The following CSMD1 variants were observed in gnomAD, a reference collection of about 807,000 sequenced individuals.
The protein encoded by CSMD1 is CUB and Sushi multiple domains 1, also known as CUB and sushi domain-containing protein 1.
Under a neutral mutation model 417.5 loss-of-function variants are expected in CSMD1, and 213 were observed. That is an observed-to-expected ratio of 0.51 (90% CI 0.46 to 0.57). The LOEUF (loss-of-function observed/expected upper bound fraction) is 0.57. Ranked by LOEUF, CSMD1 falls within the 20% of genes least tolerant of loss-of-function variation. CSMD1 has a pLI of 0.00. For missense variants in CSMD1, 6,923 were observed against 4,529.7 expected, an observed-to-expected ratio of 1.53 and a Z score of -15.17; for synonymous variants, 2,862 against 1,736.8, an observed-to-expected ratio of 1.65 and a Z score of -16.11.
chr8:3,466,275 C>A (rs1816786947), intron 12 of CSMD1, among the ~76,000 whole-genome samples: 1 of 151,764 alleles, frequency 6.6e-6, no homozygotes, highest in African/African-American at 2.4e-5. Context: ...AGTTACTGGG[C>A]AGCAGAACCA....
At chr8:3,102,579 T>C (rs1469272475) in intron 46 of CSMD1, among the ~76,000 whole-genome samples, 1 of 152,180 alleles carries the variant, frequency 6.6e-6, no homozygotes, top group Non-Finnish European at 1.5e-5. Context: ...GGGGACAGGC[T>C]GGGAGAAATG....
chr8:4,624,323 G>C (rs1014589513), intron 2 of CSMD1, among the ~76,000 whole-genome samples: 1 of 152,032 alleles, frequency 6.6e-6, no homozygotes, highest in East Asian at 1.9e-4. Flanking sequence ...AGAATTCTTC[G>C]AGCTCTTGTC....
intron 2 of CSMD1, among the ~76,000 whole-genome samples, chr8:4,565,749 CATATATATAT>C (rs58696547): frequency 0.023 from 2,766 of 118,046 alleles, 32 homozygotes; most frequent in Admixed American, 0.033. Context: ...AAAATATATA[CATATATATAT>C]ATATATATAT....
At chr8:3,745,830 T>C (rs1379408648) in intron 6 of CSMD1, among the ~76,000 whole-genome samples, 5 of 152,234 alleles carry the variant, frequency 3.3e-5, no homozygotes, top group African/African-American at 1.2e-4. Flanking sequence ...CTGGTTTCCC[T>C]ACAGCTGTGA....
intron 3 of CSMD1, among the ~76,000 whole-genome samples, chr8:4,212,748 A>ATTTTTTTTTTTTTT (rs1233118651): frequency 1.1e-4 from 11 of 101,884 alleles, no homozygotes; most frequent in African/African-American, 4.7e-4. Context: ...CAGCGGCCTT[A>ATTTTTTTTTTTTTT]TTCTTTTTTT....
intron 17 of CSMD1, among the ~76,000 whole-genome samples, chr8:3,389,782 T>C (rs888035660): frequency 3.3e-5 from 5 of 152,346 alleles, no homozygotes; most frequent in Admixed American, 6.5e-5. Flanking sequence ...TGTTGAATTA[T>C]TTACATTTCA....
intron 3 of CSMD1, among the ~76,000 whole-genome samples, chr8:4,379,453 T>C (rs1584984248): frequency 6.6e-6 from 1 of 152,330 alleles, no homozygotes; most frequent in Non-Finnish European, 1.5e-5. Flanking sequence ...AATAATGCTG[T>C]GTCAACATTA....
chr8:4,155,570 T>C (rs1376133493), intron 3 of CSMD1, among the ~76,000 whole-genome samples: 2 of 152,214 alleles, frequency 1.3e-5, no homozygotes, highest in Admixed American at 1.3e-4. Flanking sequence ...CGAACGTTCT[T>C]ATCTTTAAAT....
rs1045469897 is a variant in CSMD1, at chr8:3,293,153, C to T, written c.3951-8807G>A. Among the ~76,000 whole-genome samples the T allele has an allele frequency of 3.3e-5, 5 of 151,998 alleles. No homozygotes were observed. The South Asian group carries it at 8.3e-4, about 25-fold the overall frequency. On this transcript the variant is annotated intron_variant, in intron 25 of 69. Coordinates refer to ENST00000635120, the MANE Select transcript of CSMD1 (RefSeq NM_033225.6). Reference sequence around the variant, plus strand: ...TTCTTTTAAGAATGTTGAATATTGCCCCCACTCTCTTCTGGCTTGTAGAGT... The same window carrying T: ...TTCTTTTAAGAATGTTGAATATTGCTCCCACTCTCTTCTGGCTTGTAGAGT...
intron 25 of CSMD1, among the ~76,000 whole-genome samples, chr8:3,304,644 A>G (rs1804675787): frequency 1.3e-5 from 2 of 152,290 alleles, no homozygotes; most frequent in South Asian, 4.1e-4. Flanking sequence ...CTCATATTGA[A>G]ATATACGTAT....
chr8:4,873,238 A>G (rs1365967849), intron 1 of CSMD1, among the ~76,000 whole-genome samples: 1 of 152,130 alleles, frequency 6.6e-6, no homozygotes, highest in Non-Finnish European at 1.5e-5. Flanking sequence ...GGAATTTTGC[A>G]GAGGTTTGAA....
At chr8:3,556,883 C>G (rs1223063038) in intron 10 of CSMD1, among the ~76,000 whole-genome samples, 1 of 152,084 alleles carries the variant, frequency 6.6e-6, no homozygotes, top group Non-Finnish European at 1.5e-5. Context: ...TCGTACTTCA[C>G]AGGAAAGCCA....
Position 4,169,765 on chromosome 8 carries a change from T to C in CSMD1, c.416-137666A>G, listed in dbSNP as rs1034510098. Among the ~76,000 whole-genome samples, 3 of 152,178 alleles carry C rather than the reference T, an allele frequency of 2.0e-5. 1 individual carries two copies. The highest frequency in any genetic ancestry group is 7.2e-5 in the African/African-American group (3 of 41,426). Reference sequence around the variant, plus strand: ...CAAACGCCCCCTTGAGGACTATTCATGGGATGCTTCTTTACCGTTAAACGT... The same window carrying C: ...CAAACGCCCCCTTGAGGACTATTCACGGGATGCTTCTTTACCGTTAAACGT... On this transcript the variant is annotated intron_variant, in intron 3 of 69. Transcript: ENST00000635120.
At chr8:4,891,356 G>C (rs747118283) in intron 1 of CSMD1, among the ~76,000 whole-genome samples, 11 of 152,138 alleles carry the variant, frequency 7.2e-5, no homozygotes, top group Non-Finnish European at 1.2e-4. Context: ...AAGTGAATTA[G>C]AGAGCATTTT....
chr8:3,535,433 G>A (rs762223271), intron 10 of CSMD1, among the ~76,000 whole-genome samples: 4 of 152,056 alleles, frequency 2.6e-5, no homozygotes, highest in South Asian at 2.1e-4. Flanking sequence ...TCTTCCCTCC[G>A]GTTCCATCCA....
intron 7 of CSMD1, among the ~76,000 whole-genome samples, chr8:3,619,809 C>T (rs1040105020): frequency 6.6e-6 from 1 of 152,172 alleles, no homozygotes; most frequent in African/African-American, 2.4e-5. Flanking sequence ...GGCACGGTGG[C>T]TCACACAACG....
chr8:4,234,084 C>G (rs1801902950), intron 3 of CSMD1, among the ~76,000 whole-genome samples: 3 of 152,122 alleles, frequency 2.0e-5, no homozygotes. Flanking sequence ...TGCCTAAGTA[C>G]TAACCTACAC....
chr8:3,950,006 C>T (rs6984912), intron 5 of CSMD1: 110,705 of 455,496 alleles, frequency 0.24, 14,753 homozygotes, highest in African/African-American at 0.41. Flanking sequence ...ACTACATTTG[C>T]CAGGGTCCAC....
intron 7 of CSMD1, among the ~76,000 whole-genome samples, chr8:3,642,673 C>T (rs189497497): frequency 1.4e-3 from 214 of 152,022 alleles, no homozygotes; most frequent in African/African-American, 4.9e-3. Context: ...CACAACTGGG[C>T]TTATAGGAAA....
Sources: gnomAD v4.1 joint callset for allele counts (sites outside exome capture counted in the v4.1 genomes callset) on GRCh38, gnomAD v4.1.1 for gene constraint, MANE v1.5 for transcripts, NCBI Gene and HGNC (gene_info 2026-07-23, HGNC 2026-07-21) for gene names.